Variants in APBB2 observed in about 807,000 individuals in gnomAD.
APBB2 encodes Fe65-like 1.
In APBB2, 38 loss-of-function variants were observed where a neutral mutation model predicts 82.5. That is an observed-to-expected ratio of 0.46 (90% CI 0.36 to 0.60). The LOEUF (loss-of-function observed/expected upper bound fraction) is 0.60. Ranked by LOEUF, APBB2 falls within the 20% of genes least tolerant of loss-of-function variation. The probability of loss-of-function intolerance (pLI) is 0.00; values close to 1 mark genes in which losing one functional copy is unlikely to be tolerated. For missense variants in APBB2, 772 were observed against 972.3 expected, an observed-to-expected ratio of 0.79 and a Z score of 2.74; for synonymous variants, 341 against 368.2, an observed-to-expected ratio of 0.93 and a Z score of 0.85.
intron 2 of APBB2, among the ~76,000 whole-genome samples, chr4:41,126,767 G>A (rs1281712359): frequency 6.6e-6 from 1 of 152,132 alleles, no homozygotes; most frequent in African/African-American, 2.4e-5. Flanking sequence ...TCTTCACAGT[G>A]TCCTCCCACT....
rs1460578552 is a variant in APBB2 at position 40,901,795 on chromosome 4, G to A, written c.1255-8384C>T. On this transcript the variant is annotated intron_variant, in intron 10 of 17. Transcript: ENST00000508593. Reference sequence around the variant, plus strand: ...CTCCCAAAGTGCTGGGATTACAGGCGTGAGCCACCGCGCTCGGCCACACTT... The same window carrying A: ...CTCCCAAAGTGCTGGGATTACAGGCATGAGCCACCGCGCTCGGCCACACTT... 3.9e-5 allele frequency among the ~76,000 whole-genome samples: 6 copies of A among 152,252 alleles called. No homozygotes were observed. The East Asian group carries it at 7.7e-4, about 20-fold the overall frequency.
chr4:41,046,638 A>G (rs917025120), intron 4 of APBB2, among the ~76,000 whole-genome samples: 2 of 152,234 alleles, frequency 1.3e-5, no homozygotes, highest in African/African-American at 4.8e-5. Flanking sequence ...AGGAGCAAGG[A>G]TCTTGCTAAA....
At chr4:41,016,390 G>A (rs978227137) in intron 5 of APBB2, among the ~76,000 whole-genome samples, 1 of 152,130 alleles carries the variant, frequency 6.6e-6, no homozygotes, top group Non-Finnish European at 1.5e-5. Flanking sequence ...AGCCGGGTGC[G>A]GTGGCTCACG....
At chr4:40,927,050 C>T (rs1472454282) in intron 10 of APBB2, among the ~76,000 whole-genome samples, 1 of 152,172 alleles carries the variant, frequency 6.6e-6, no homozygotes, top group Non-Finnish European at 1.5e-5. Context: ...CTCCAGATGC[C>T]ACAGATCAGG....
At chr4:41,032,058 A>G (rs1567231) in intron 5 of APBB2, among the ~76,000 whole-genome samples, 67,997 of 151,958 alleles carry the variant, frequency 0.45, 16,887 homozygotes, top group East Asian at 0.72. Flanking sequence ...CCTCTCATAT[A>G]CCTCTGCTGA....
At chr4:40,945,345 T>C (rs1788084497) in intron 6 of APBB2, among the ~76,000 whole-genome samples, 1 of 152,214 alleles carries the variant, frequency 6.6e-6, no homozygotes, top group Non-Finnish European at 1.5e-5. Context: ...CCTATAGCTC[T>C]AAGAACCCTA....
intron 3 of APBB2, among the ~76,000 whole-genome samples, chr4:41,077,008 A>AT (rs35092142): frequency 1.4e-5 from 2 of 144,832 alleles, no homozygotes; most frequent in African/African-American, 5.1e-5. Context: ...AAAAATCAGG[A>AT]TTTTTTTTTT....
chr4:41,000,384 A>G (rs1804884461), intron 6 of APBB2, among the ~76,000 whole-genome samples: 1 of 152,176 alleles, frequency 6.6e-6, no homozygotes, highest in Admixed American at 6.5e-5. Context: ...TAACATTTCA[A>G]AAAATGCTTT....
intron 1 of APBB2, among the ~76,000 whole-genome samples, chr4:41,181,851 C>A (rs759408621): frequency 1.1e-4 from 16 of 148,028 alleles, no homozygotes. Context: ...GAGGCTGAGG[C>A]AGAAGAATCG....
chr4:40,964,344 T>C (rs1794059535), intron 6 of APBB2, among the ~76,000 whole-genome samples: 1 of 152,186 alleles, frequency 6.6e-6, no homozygotes, highest in African/African-American at 2.4e-5. Context: ...CCATAACTGA[T>C]TCACCTACCT....
chr4:41,064,930 T>G (rs1731187316), intron 4 of APBB2, among the ~76,000 whole-genome samples: 1 of 152,218 alleles, frequency 6.6e-6, no homozygotes, highest in South Asian at 2.1e-4. Flanking sequence ...TTATTATCAT[T>G]TCAAATGTTA....
chr4:41,097,355 T>A (rs1275524078), intron 3 of APBB2, among the ~76,000 whole-genome samples: 1 of 152,188 alleles, frequency 6.6e-6, no homozygotes, highest in African/African-American at 2.4e-5. Flanking sequence ...ACCATAAAGA[T>A]TCTAAATGGG....
In APBB2 at chr4:40,890,425, C is replaced by T. The variant is rs770065380; in HGVS notation, c.1468G>A (p.Val490Met). The change falls in exon 12 of 18, where the codon GTG (valine) becomes ATG (methionine). Residue 490 changes from valine (V) to methionine (M), a missense_variant. Physicochemically the swap from Val to Met is conservative, Grantham distance 21 (BLOSUM62 1). Coordinates refer to ENST00000508593, the MANE Select transcript of APBB2 (RefSeq NM_004307.2). Reference protein sequence around the residue: ...LSLVDPMDRSVLHSQPIVSIR... With the variant: ...LSLVDPMDRSMLHSQPIVSIR... ...CTGACGATGGGCTGCGAGTGCAGCA[C>T]GCTGCGGTCCATGGGGTCCACCAGG... The T allele has an allele frequency of 2.6e-5, 42 of 1,613,954 alleles. No homozygotes were observed. Among genetic ancestry groups the T allele is most frequent in the East Asian group, 1.3e-4 (6 of 44,898 alleles).
At chr4:41,195,823 A>AG in intron 1 of APBB2, among the ~76,000 whole-genome samples, 4 of 152,028 alleles carry the variant, frequency 2.6e-5, no homozygotes, top group Admixed American at 6.6e-5. Context: ...TGCACAACCC[A>AG]GGGGATCCTC....
chr4:41,056,891 G>A (rs1728030675), intron 4 of APBB2, among the ~76,000 whole-genome samples: 1 of 152,188 alleles, frequency 6.6e-6, no homozygotes, highest in Admixed American at 6.5e-5. Flanking sequence ...GGATAGGATG[G>A]CAGCAGGTAT....
intron 6 of APBB2, among the ~76,000 whole-genome samples, chr4:40,979,727 G>A (rs1798026387): frequency 6.6e-6 from 1 of 152,150 alleles, no homozygotes; most frequent in South Asian, 2.1e-4. Context: ...AGAAAACAGG[G>A]ACCTCATCAC....
At chr4:40,941,328 G>A (rs899594223) in intron 7 of APBB2, among the ~76,000 whole-genome samples, 1 of 152,122 alleles carries the variant, frequency 6.6e-6, no homozygotes, top group African/African-American at 2.4e-5. Context: ...CTCTTCAACT[G>A]TCATTAGCAC....
At chr4:40,836,246 G>A (rs1031391915) in intron 12 of APBB2, among the ~76,000 whole-genome samples, 6 of 152,218 alleles carry the variant, frequency 3.9e-5, no homozygotes, top group South Asian at 2.1e-4. Context: ...GGAGGCCAAG[G>A]CGGGTGGATC....
chr4:40,951,640 A>G (rs1216455300), intron 6 of APBB2, among the ~76,000 whole-genome samples: 1 of 152,240 alleles, frequency 6.6e-6, no homozygotes, highest in Non-Finnish European at 1.5e-5. Flanking sequence ...TCAGATGCAC[A>G]TCTGTAAAAC....
Sources: allele counts gnomAD v4.1 joint callset (sites outside exome capture counted in the v4.1 genomes callset), GRCh38; gene constraint gnomAD v4.1.1; transcripts MANE v1.5; gene names NCBI Gene and HGNC (gene_info 2026-07-23, HGNC 2026-07-21).